LIMCH1: variants seen among roughly 807,000 people sequenced by gnomAD.
LIMCH1 encodes LIM and calponin homology domains-containing protein 1.
Under a neutral mutation model 176.5 loss-of-function variants are expected in LIMCH1, and 113 were observed. The observed-to-expected ratio is 0.64, with a 90% CI of 0.55 to 0.75. The LOEUF is 0.75. Among genes scored for constraint, LIMCH1 ranks in the 30% least tolerant of loss-of-function variants. The probability of loss-of-function intolerance (pLI) is 0.00; values close to 1 mark genes in which losing one functional copy is unlikely to be tolerated. For synonymous variants in LIMCH1, 619 were observed against 645.9 expected (o/e 0.96, Z 0.63); for missense variants, 1,674 against 1,814.9 (o/e 0.92, Z 1.41).
intron 18 of LIMCH1, 22 bp from the exon 19 acceptor site, chr4:41,661,398 G>T: frequency 6.6e-7 from 1 of 1,507,742 alleles, no homozygotes; most frequent in South Asian, 1.1e-5. Context: ...TTATTCAAGG[G>T]GGAAAAAAAT....
At chr4:41,677,531 T>G (rs1711884378) in intron 23 of LIMCH1, among the ~76,000 whole-genome samples, 1 of 152,248 alleles carries the variant, frequency 6.6e-6, no homozygotes, top group African/African-American at 2.4e-5. Context: ...ATGCCAGTTT[T>G]ATGGATTAAC....
intron 2 of LIMCH1, among the ~76,000 whole-genome samples, chr4:41,602,897 C>CA (rs138461272): frequency 0.044 from 6,661 of 152,112 alleles, 226 homozygotes; most frequent in Non-Finnish European, 0.066. Context: ...AAACATGAAA[C>CA]ATTTTTTAAA....
At position 41,629,632 on chromosome 4, in the gene LIMCH1, G is replaced by A. The variant is rs1311215130; in HGVS notation, c.1169G>A (p.Ser390Asn). Residue 390 changes from serine (S) to asparagine (N), a missense_variant, in exon 9 of 32, where the codon AGC (serine) becomes AAC (asparagine). By Grantham distance (46) the Ser-to-Asn change is conservative (BLOSUM62 1). Around this residue, in one of 3 missense-constraint regions of LIMCH1, gnomAD observed 655 missense variants for 692.2 expected, o/e 0.95. Transcript: ENST00000503057. The stretch of plus-strand genomic sequence containing the variant: ...CTGGCCCAGCAGAGAATTCAGGGCA[G>A]CCTTGCCCCTCACCGCGAGCCCCCG... ...DDLAQQRIQG[S>N]LAPHREPPSF... 6.5e-7 allele frequency: 1 copy of A among 1,536,100 alleles called. No individual in the cohort carries two copies. Among genetic ancestry groups the A allele is most frequent in the African/African-American group, 1.4e-5 (1 of 73,154 alleles).
intron 1 of LIMCH1, among the ~76,000 whole-genome samples, chr4:41,545,897 G>A (rs1267551791): frequency 1.3e-5 from 2 of 151,926 alleles, no homozygotes; most frequent in Non-Finnish European, 2.9e-5. Flanking sequence ...AGTTTACATG[G>A]TCCAACTGTT....
At position 41,698,216 on chromosome 4, in the gene LIMCH1, T is replaced by C. The variant is rs1392402313; in HGVS notation, c.*1031T>C. On this transcript the variant is annotated 3_prime_UTR_variant, in exon 32 of 32. Transcript: ENST00000503057. ...AAGAAAAGCGTTAAGTCCATCTTAA[T>C]AGAATCTATGTGGTATATGATGTGG... The C allele has an allele frequency of 6.6e-6, 1 of 152,280 alleles. No homozygotes were observed. Among genetic ancestry groups the C allele is most frequent in the Non-Finnish European group, 1.5e-5 (1 of 68,144 alleles). The allele number at this position is 152,280 out of a possible 1,614,324, so 9.4% of individuals were successfully genotyped here.
chr4:41,554,146 G>A (rs1342620066), intron 1 of LIMCH1, among the ~76,000 whole-genome samples: 2 of 152,108 alleles, frequency 1.3e-5, no homozygotes, highest in Non-Finnish European at 2.9e-5. Context: ...TTCTTCTAAG[G>A]AAAAGGAACT....
chr4:41,427,943 G>GA (rs11365470), intron 1 of LIMCH1, among the ~76,000 whole-genome samples: 1,705 of 129,654 alleles, frequency 0.013, 12 homozygotes, highest in African/African-American at 0.025. Flanking sequence ...CATCTATTTG[G>GA]AAAAAAAAAA....
intron 1 of LIMCH1, among the ~76,000 whole-genome samples, chr4:41,586,503 C>T (rs1018091580): frequency 2.0e-5 from 3 of 152,070 alleles, no homozygotes; most frequent in African/African-American, 7.2e-5. Context: ...TGCTCTCAGT[C>T]ATATTTTACA....
chr4:41,455,124 T>C (rs1177607006), intron 1 of LIMCH1, among the ~76,000 whole-genome samples: 3 of 152,212 alleles, frequency 2.0e-5, no homozygotes, highest in Non-Finnish European at 4.4e-5. Flanking sequence ...GTTGATTCTC[T>C]AGAATGCAAC....
intron 2 of LIMCH1, among the ~76,000 whole-genome samples, chr4:41,510,030 A>G (rs773065778): frequency 6.6e-6 from 1 of 152,170 alleles, no homozygotes; most frequent in Non-Finnish European, 1.5e-5. Context: ...CTCCTAATAC[A>G]TAGTCTTATA....
chr4:41,414,851 A>G (rs2059789994), intron 1 of LIMCH1, among the ~76,000 whole-genome samples: 1 of 152,238 alleles, frequency 6.6e-6, no homozygotes, highest in South Asian at 2.1e-4. Context: ...TGGTCACAAT[A>G]TCTTGAAAAG....
At chr4:41,456,270 G>T in intron 1 of LIMCH1, among the ~76,000 whole-genome samples, 1 of 151,848 alleles carries the variant, frequency 6.6e-6, no homozygotes, top group African/African-American at 2.4e-5. Flanking sequence ...TTTTGTTTTT[G>T]GCCTCACCCT....
At chr4:41,496,177 TTTGGTC>T (rs1377515948) in intron 2 of LIMCH1, among the ~76,000 whole-genome samples, 3 of 152,230 alleles carry the variant, frequency 2.0e-5, no homozygotes, top group African/African-American at 7.2e-5. Context: ...GAAGTGGGTC[TTTGGTC>T]CAATTTTTGT....
At position 41,682,460 on chromosome 4, in the gene LIMCH1, G is replaced by C; in HGVS notation, c.3845G>C (p.Ser1282Thr). ...RESDRLEEKG[S>T]LTEGALAHSG... ...AGTGATCGACTGGAGGAGAAGGGCA[G>C]GTATGAGCCCATCCCAAGCCACCAT... Residue 1282 changes from serine to threonine, a missense_variant and splice_region_variant, in exon 26 of 32, where the codon AGC becomes ACC. Ser to Thr is a moderately conservative substitution (Grantham distance 58, BLOSUM62 1). Coordinates refer to ENST00000503057, the MANE Select transcript of LIMCH1 (RefSeq NM_001330672.2). The C allele has an allele frequency of 1.9e-6, 3 of 1,612,070 alleles. No homozygotes were observed. The highest frequency in any genetic ancestry group is 2.5e-6 in the Non-Finnish European group (3 of 1,178,804).
At chr4:41,400,124 C>T (rs902510890) in intron 1 of LIMCH1, among the ~76,000 whole-genome samples, 12 of 151,692 alleles carry the variant, frequency 7.9e-5, no homozygotes, top group African/African-American at 2.7e-4. Context: ...GTGCCCCTAA[C>T]GGCTATCCTA....
intron 1 of LIMCH1, among the ~76,000 whole-genome samples, chr4:41,460,116 C>T (rs1164812663): frequency 6.6e-6 from 1 of 152,084 alleles, no homozygotes; most frequent in African/African-American, 2.4e-5. Flanking sequence ...TTAGAGTCAA[C>T]AGACAGAGGA....
chr4:41,543,046 T>A (rs901944832), intron 1 of LIMCH1, among the ~76,000 whole-genome samples: 2 of 152,352 alleles, frequency 1.3e-5, no homozygotes, highest in Non-Finnish European at 1.5e-5. Flanking sequence ...GACTAATATG[T>A]TGATTTGATG....
chr4:41,541,637 A>T (rs1479382900), intron 1 of LIMCH1, among the ~76,000 whole-genome samples: 1 of 152,202 alleles, frequency 6.6e-6, no homozygotes, highest in African/African-American at 2.4e-5. Context: ...ATAGAACAGG[A>T]TCATTTTTCA....
upstream of LIMCH1, among the ~76,000 whole-genome samples, chr4:41,536,849 T>G (rs1010487310): frequency 1.1e-4 from 17 of 152,134 alleles, no homozygotes; most frequent in Non-Finnish European, 1.0e-4. Flanking sequence ...AAAGAGCATA[T>G]TAGGGAAAAA....
Sources: gnomAD v4.1 joint callset for allele counts (sites outside exome capture counted in the v4.1 genomes callset) on GRCh38, gnomAD v4.1.1 for gene constraint, gnomAD v4.1.1 regional missense constraint, MANE v1.5 for transcripts, NCBI Gene and HGNC (gene_info 2026-07-23, HGNC 2026-07-21) for gene names.